The following CTNNA2 variants were observed in gnomAD, a reference collection of about 807,000 sequenced individuals.
CTNNA2 encodes catenin alpha 2, also known as catenin alpha-2.
CTNNA2 carries 42 observed loss-of-function variants against 101.0 expected under a neutral mutation model. That is an observed-to-expected ratio of 0.42 (90% CI 0.32 to 0.54). The LOEUF is 0.54. Ranked by LOEUF, CTNNA2 falls within the 20% of genes least tolerant of loss-of-function variation. The probability of loss-of-function intolerance (pLI) is 0.14; values close to 1 mark genes in which losing one functional copy is unlikely to be tolerated. For missense variants in CTNNA2, 871 were observed against 1,223.1 expected, an observed-to-expected ratio of 0.71 and a Z score of 4.29; for synonymous variants, 450 against 456.4, an observed-to-expected ratio of 0.99 and a Z score of 0.18.
intron 12 of CTNNA2, among the ~76,000 whole-genome samples, chr2:80,562,868 C>G (rs532379324): frequency 1.3e-5 from 2 of 151,752 alleles, no homozygotes; most frequent in African/African-American, 4.8e-5. Context: ...TTATATAACA[C>G]AGGAAGAGAA....
intron 7 of CTNNA2, among the ~76,000 whole-genome samples, chr2:80,169,318 G>A (rs561258636): frequency 4.6e-5 from 7 of 152,250 alleles, no homozygotes; most frequent in Admixed American, 3.9e-4. Flanking sequence ...GGAGGGGAGA[G>A]GGGGAAGGCC....
intron 2 of CTNNA2, among the ~76,000 whole-genome samples, chr2:79,231,938 T>C (rs1401571818): frequency 6.6e-6 from 1 of 152,126 alleles, no homozygotes; most frequent in African/African-American, 2.4e-5. Context: ...ATTTGTTTAT[T>C]AGTTCCAGGA....
At chr2:80,287,056 C>T (rs1429043133) in intron 7 of CTNNA2, among the ~76,000 whole-genome samples, 3 of 152,092 alleles carry the variant, frequency 2.0e-5, no homozygotes, top group Non-Finnish European at 4.4e-5. Flanking sequence ...CCTGAACAGT[C>T]CAGAGTTGAT....
chr2:80,188,616 A>C (rs561771649), intron 7 of CTNNA2, among the ~76,000 whole-genome samples: 1 of 152,226 alleles, frequency 6.6e-6, no homozygotes, highest in East Asian at 1.9e-4. Context: ...AGGCCACCCA[A>C]TTCCTTGGCT....
intron 7 of CTNNA2, among the ~76,000 whole-genome samples, chr2:80,104,435 A>G (rs1019021759): frequency 6.6e-6 from 1 of 152,168 alleles, no homozygotes; most frequent in Non-Finnish European, 1.5e-5. Flanking sequence ...TTGTCCAGAA[A>G]ATGCTACAGA....
chr2:79,268,349 C>A (rs1284557021), intron 2 of CTNNA2, among the ~76,000 whole-genome samples: 1 of 152,094 alleles, frequency 6.6e-6, no homozygotes, highest in East Asian at 1.9e-4. Context: ...GATGGACAAC[C>A]TGGAGGATGG....
In CTNNA2 at chr2:80,640,753, G is replaced by T. The variant is rs559296865; in HGVS notation, c.2575-6832G>T. Among the ~76,000 whole-genome samples, 26 of 152,234 alleles carry T rather than the reference G, an allele frequency of 1.7e-4. No homozygotes were observed. The South Asian group carries it at 5.2e-3, about 30-fold the overall frequency. ...TAACCTCTAATTCATTAACAGCAAA[G>T]CTGACTTGTAGCAAAATTTTTTTTT... On this transcript the variant is annotated intron_variant, in intron 18 of 18. Transcript: ENST00000402739.
intron 7 of CTNNA2, among the ~76,000 whole-genome samples, chr2:80,028,689 T>G (rs969396292): frequency 6.6e-6 from 1 of 152,204 alleles, no homozygotes; most frequent in African/African-American, 2.4e-5. Context: ...TATTGGTGTG[T>G]GCCCAATGTA....
intron 7 of CTNNA2, among the ~76,000 whole-genome samples, chr2:80,355,120 T>A (rs1673656996): frequency 1.3e-5 from 2 of 152,184 alleles, no homozygotes; most frequent in Non-Finnish European, 2.9e-5. Flanking sequence ...GCAATGAATC[T>A]TCTTCCTAAT....
At chr2:79,330,612 G>C (rs535803933) in intron 3 of CTNNA2, among the ~76,000 whole-genome samples, 1 of 152,118 alleles carries the variant, frequency 6.6e-6, no homozygotes, top group African/African-American at 2.4e-5. Context: ...GAATTCCCAC[G>C]TGTCATGAGA....
intron 8 of CTNNA2, among the ~76,000 whole-genome samples, chr2:80,409,088 C>T (rs141364400): frequency 4.9e-4 from 74 of 152,122 alleles, no homozygotes; most frequent in African/African-American, 1.0e-3. Context: ...CTTCCAAATA[C>T]GCAGAAAAGT....
chr2:79,299,630 A>G (rs1676061842), intron 2 of CTNNA2, among the ~76,000 whole-genome samples: 1 of 152,188 alleles, frequency 6.6e-6, no homozygotes, highest in South Asian at 2.1e-4. Flanking sequence ...TGAGGTGTGT[A>G]GGGAAGAAAT....
At chr2:79,465,033 G>C (rs1280825433) in intron 4 of CTNNA2, among the ~76,000 whole-genome samples, 1 of 152,148 alleles carries the variant, frequency 6.6e-6, no homozygotes, top group East Asian at 1.9e-4. Flanking sequence ...ATTGCTTTTG[G>C]TGTTTTGGAC....
At chr2:79,573,761 G>C (rs893241530) in intron 1 of CTNNA2, 1 of 152,142 alleles carries the variant, frequency 6.6e-6, no homozygotes, top group Non-Finnish European at 1.5e-5. Flanking sequence ...TTCATTTCAT[G>C]GAAATTAATG....
intron 3 of CTNNA2, among the ~76,000 whole-genome samples, chr2:79,811,026 C>T (rs373962308): frequency 1.3e-5 from 2 of 150,924 alleles, no homozygotes; most frequent in Non-Finnish European, 2.9e-5. Context: ...GATTTATAAT[C>T]CTTTGGGTAT....
chr2:80,179,413 G>A (rs991335839), intron 7 of CTNNA2, among the ~76,000 whole-genome samples: 1 of 151,776 alleles, frequency 6.6e-6, no homozygotes, highest in East Asian at 1.9e-4. Flanking sequence ...TCGCTCTGTC[G>A]CCCAGGCTGG....
At chr2:80,053,157 A>G (rs781720002) in intron 7 of CTNNA2, among the ~76,000 whole-genome samples, 4 of 152,190 alleles carry the variant, frequency 2.6e-5, no homozygotes, top group Non-Finnish European at 5.9e-5. Flanking sequence ...TTTATGGCCT[A>G]TCTTTATACT....
At chr2:80,021,019 T>TG (rs1694523115) in intron 7 of CTNNA2, among the ~76,000 whole-genome samples, 1 of 138,344 alleles carries the variant, frequency 7.2e-6, no homozygotes, top group East Asian at 2.1e-4. Flanking sequence ...TTTTTTTTTT[T>TG]GAGACAAGTT....
intron 3 of CTNNA2, among the ~76,000 whole-genome samples, chr2:79,365,652 A>G (rs1020963320): frequency 3.3e-5 from 5 of 151,952 alleles, no homozygotes; most frequent in African/African-American, 9.7e-5. Flanking sequence ...AAGGAAAAAA[A>G]AAAAAGGGAA....
Sources: gnomAD v4.1 joint callset for allele counts (sites outside exome capture counted in the v4.1 genomes callset) on GRCh38, gnomAD v4.1.1 for gene constraint, MANE v1.5 for transcripts, NCBI Gene and HGNC (gene_info 2026-07-23, HGNC 2026-07-21) for gene names.